CDC42BPA: variants seen among roughly 807,000 people sequenced by gnomAD.
The protein encoded by CDC42BPA is serine/threonine-protein kinase MRCK alpha.
A neutral mutation model predicts 223.5 loss-of-function variants in CDC42BPA; 80 were observed. The observed-to-expected ratio is 0.36, with a 90% confidence interval of 0.30 to 0.43. CDC42BPA has a LOEUF of 0.43. CDC42BPA is among the 20% of genes least tolerant of loss of function. The probability of loss-of-function intolerance (pLI) is 1.00; values close to 1 mark genes in which losing one functional copy is unlikely to be tolerated. For synonymous variants in CDC42BPA, 694 were observed against 718.6 expected, an observed-to-expected ratio of 0.97 and a Z score of 0.55; for missense variants, 1,743 against 2,099.9, an observed-to-expected ratio of 0.83 and a Z score of 3.32.
intron 5 of CDC42BPA, among the ~76,000 whole-genome samples, chr1:227,168,497 G>GTGTTT (rs1302291274): frequency 2.5e-5 from 2 of 80,212 alleles, no homozygotes; most frequent in South Asian, 9.0e-4. Flanking sequence ...CTTCCCTGGT[G>GTGTTT]TTTTTTTTTT....
intron 2 of CDC42BPA, among the ~76,000 whole-genome samples, chr1:227,227,930 T>C (rs929666403): frequency 2.6e-5 from 4 of 152,212 alleles, no homozygotes; most frequent in African/African-American, 9.7e-5. Flanking sequence ...TTCAGTATAA[T>C]GTTCTATGTC....
At chr1:227,293,180 G>A (rs1273917744) in intron 1 of CDC42BPA, among the ~76,000 whole-genome samples, 1 of 152,052 alleles carries the variant, frequency 6.6e-6, no homozygotes, top group Non-Finnish European at 1.5e-5. Context: ...TTAGGTATTG[G>A]GGAAGAGCTG....
chr1:227,236,809 T>G (rs1296387603), intron 2 of CDC42BPA, among the ~76,000 whole-genome samples: 1 of 152,126 alleles, frequency 6.6e-6, no homozygotes, highest in Non-Finnish European at 1.5e-5. Context: ...GGCTCATGCC[T>G]GTAATCCCAG....
rs1327479448 is a variant in CDC42BPA, at chr1:227,318,354, T to G, written c.-1172A>C. 1 of 151,408 alleles carries G rather than the reference T, an allele frequency of 6.6e-6. No individual in the cohort carries two copies. 9.4% of individuals were successfully genotyped at this position (151,408 alleles called of 1,614,324 possible). ...AGACTAGAGGCTGCGGCAGCCCGGC[T>G]CCCAACCACTCCCTTCCTCTCCCTT... On this transcript the variant is annotated 5_prime_UTR_variant, in exon 1 of 37. Transcript: ENST00000366766.
At chr1:227,038,274 C>G (rs1475459009) in intron 24 of CDC42BPA, among the ~76,000 whole-genome samples, 1 of 152,180 alleles carries the variant, frequency 6.6e-6, no homozygotes, top group Non-Finnish European at 1.5e-5. Flanking sequence ...TCACCTTCCA[C>G]CATGATTGTG....
chr1:227,180,024 T>C (rs946038023), intron 5 of CDC42BPA, among the ~76,000 whole-genome samples: 3 of 152,004 alleles, frequency 2.0e-5, no homozygotes, highest in African/African-American at 4.8e-5. Context: ...CTGGCCAACA[T>C]GGTGAAACCT....
At chr1:227,057,497 C>G (rs1320490) in intron 21 of CDC42BPA, among the ~76,000 whole-genome samples, 31,052 of 151,970 alleles carry the variant, frequency 0.2, 3,272 homozygotes, top group Admixed American at 0.25. Flanking sequence ...TACTGAAATA[C>G]ACTGATGTCC....
At chr1:227,044,187 G>C (rs1026681113) in intron 23 of CDC42BPA, among the ~76,000 whole-genome samples, 2 of 152,096 alleles carry the variant, frequency 1.3e-5, no homozygotes, top group African/African-American at 2.4e-5. Flanking sequence ...CTTTCAATGG[G>C]ATTTCTAGTC....
intron 1 of CDC42BPA, among the ~76,000 whole-genome samples, chr1:227,274,366 A>T (rs1686572621): frequency 6.6e-6 from 1 of 152,220 alleles, no homozygotes; most frequent in East Asian, 1.9e-4. Flanking sequence ...CCTTAGGAAG[A>T]GCATAAAAGA....
chr1:227,276,093 C>T (rs1015710885), intron 1 of CDC42BPA, among the ~76,000 whole-genome samples: 4 of 151,816 alleles, frequency 2.6e-5, no homozygotes, highest in Admixed American at 6.6e-5. Flanking sequence ...CCCCTCTGCC[C>T]GGCCGCCCAG....
Position 227,031,311 on chromosome 1 carries a change from T to C in CDC42BPA, c.3762A>G (p.Ala1254=). The C allele has an allele frequency of 6.2e-7, 1 of 1,612,576 alleles. No homozygotes were observed. The highest frequency in any genetic ancestry group is 8.5e-7 in the Non-Finnish European group (1 of 1,178,602). The change falls in exon 28 of 37, where the codon GCA becomes GCG. Residue 1254 remains alanine (A), a synonymous_variant. Transcript: ENST00000366766. ...STLPLIKTTQ[A]AAIIDHERIA... Reference sequence around the variant, plus strand: ...ATAAATTCATACCTATGATTGCGGCTGCCTGGGTTGTTTTAATGAGGGGTA... The same window carrying C: ...ATAAATTCATACCTATGATTGCGGCCGCCTGGGTTGTTTTAATGAGGGGTA...
rs66527313 is a variant in CDC42BPA, at chr1:227,060,030, G to GTTTTTTT, written c.2905-8052_2905-8046dup. On this transcript the variant is annotated intron_variant, in intron 21 of 36. Transcript: ENST00000366766. ...CAATTATCTCAAAAAGTTTTTTTTT[G>GTTTTTTT]TTTTTTTTTTTTTTTTTTGAGACGG... Among the ~76,000 whole-genome samples the GTTTTTTT allele has an allele frequency of 9.3e-5, 11 of 117,668 alleles. No homozygotes were observed. In the East Asian group the frequency reaches 1.0e-3, roughly 11 times the overall value. The allele number at this position is 117,668 out of a possible 152,430, so 77.2% of individuals were successfully genotyped here. A position where few individuals can be genotyped will look rare whatever the true frequency, so the allele number is the denominator to read the frequency against.
chr1:227,281,612 G>T (rs1419314513), intron 1 of CDC42BPA, among the ~76,000 whole-genome samples: 1 of 152,206 alleles, frequency 6.6e-6, no homozygotes. Context: ...CTGAGCCAGA[G>T]GTAGTGGGAC....
chr1:227,088,043 T>C (rs572696416), intron 16 of CDC42BPA, among the ~76,000 whole-genome samples: 7 of 152,334 alleles, frequency 4.6e-5, no homozygotes, highest in African/African-American at 1.4e-4. Flanking sequence ...TTTCAATAGA[T>C]TGCTTAATGT....
chr1:227,069,491 G>A (rs1677827376), intron 21 of CDC42BPA: 2 of 222,326 alleles, frequency 9.0e-6, no homozygotes, highest in Non-Finnish European at 1.7e-5. Context: ...TCAAAAGTTG[G>A]GATTTGTTCT....
intron 9 of CDC42BPA, among the ~76,000 whole-genome samples, chr1:227,140,396 A>G (rs1173100539): frequency 6.6e-6 from 1 of 152,166 alleles, no homozygotes; most frequent in African/African-American, 2.4e-5. Context: ...TAAAGAAGTT[A>G]GGAAAGCTGT....
chr1:227,107,515 A>C (rs1686137357), intron 14 of CDC42BPA, among the ~76,000 whole-genome samples: 1 of 152,080 alleles, frequency 6.6e-6, no homozygotes, highest in African/African-American at 2.4e-5. Context: ...CGACCTCCGA[A>C]GTCTCAGGTG....
intron 1 of CDC42BPA, among the ~76,000 whole-genome samples, chr1:227,284,826 A>G (rs1394650530): frequency 6.6e-6 from 1 of 151,996 alleles, no homozygotes; most frequent in Non-Finnish European, 1.5e-5. Flanking sequence ...GCCGGGCATG[A>G]TGGTACACGT....
chr1:227,303,127 A>G (rs148258632), intron 1 of CDC42BPA, among the ~76,000 whole-genome samples: 47 of 150,696 alleles, frequency 3.1e-4, no homozygotes, highest in Non-Finnish European at 5.0e-4. Flanking sequence ...TGGCAATTCT[A>G]TTTTCCATTC....
Sources: allele counts gnomAD v4.1 joint callset (sites outside exome capture counted in the v4.1 genomes callset), GRCh38; gene constraint gnomAD v4.1.1; transcripts MANE v1.5; gene names NCBI Gene and HGNC (gene_info 2026-07-23, HGNC 2026-07-21).